SRFBP1: variants seen among roughly 807,000 people sequenced by gnomAD.
SRFBP1 encodes serum response factor binding protein 1.
In SRFBP1, 47 loss-of-function variants were observed where a neutral mutation model predicts 45.5. The observed-to-expected ratio is 1.03, with a 90% confidence interval of 0.82 to 1.32. SRFBP1 has a LOEUF of 1.32. Ranked by LOEUF, SRFBP1 falls within the 40% of genes most tolerant of loss-of-function variation. The probability of loss-of-function intolerance (pLI) is 0.00; values close to 1 mark genes in which losing one functional copy is unlikely to be tolerated. For missense variants in SRFBP1, 621 were observed against 484.6 expected, an observed-to-expected ratio of 1.28 and a Z score of -2.64; for synonymous variants, 203 against 166.3, an observed-to-expected ratio of 1.22 and a Z score of -1.70.
chr5:122,020,943 G>A (rs1753304055), intron 6 of SRFBP1, 141 bp downstream of exon 6: 1 of 704,742 alleles, frequency 1.4e-6, no homozygotes, highest in African/African-American at 1.9e-5. Context: ...CTCCAAGGTT[G>A]TAGTGGGGTA....
rs1437265033 is a variant in SRFBP1, at chr5:122,027,544, C to T, written c.*418C>T. 6.6e-6 allele frequency: 1 copy of T among 152,520 alleles called. No homozygotes were observed. The highest frequency in any genetic ancestry group is 1.9e-4 in the East Asian group (1 of 5,198). 9.4% of individuals were successfully genotyped at this position (152,520 alleles called of 1,614,324 possible). A position where few individuals can be genotyped will look rare whatever the true frequency, so the allele number is the denominator to read the frequency against. On this transcript the variant is annotated 3_prime_UTR_variant, in exon 8 of 8. Transcript: ENST00000339397. ...AGTAATTTGGGGATTTTAGTGATCTCATATTTTCTCTTTAGTGCTTATCAT... is the reference window on the plus strand; with the variant it reads ...AGTAATTTGGGGATTTTAGTGATCTTATATTTTCTCTTTAGTGCTTATCAT...
At chr5:121,994,943 A>G (rs7722155) in intron 4 of SRFBP1, among the ~76,000 whole-genome samples, 120,521 of 151,974 alleles carry the variant, frequency 0.79, 48,190 homozygotes, top group East Asian at 0.91. Context: ...TGATCATACT[A>G]CTTAAAACTA....
At chr5:121,991,037 A>G (rs575188609) in intron 3 of SRFBP1, among the ~76,000 whole-genome samples, 19 of 152,256 alleles carry the variant, frequency 1.2e-4, no homozygotes, top group African/African-American at 3.6e-4. Context: ...TATAATGAAG[A>G]GAGTTGATGT....
At chr5:121,992,085 A>C (rs1380392806) in intron 3 of SRFBP1, among the ~76,000 whole-genome samples, 4 of 152,148 alleles carry the variant, frequency 2.6e-5, no homozygotes, top group Non-Finnish European at 5.9e-5. Flanking sequence ...TTCTGTATCA[A>C]ATTACGACAA....
chr5:122,047,204 A>G (rs891376930), intron 2 of SRFBP1, among the ~76,000 whole-genome samples: 7 of 152,138 alleles, frequency 4.6e-5, no homozygotes, highest in African/African-American at 1.4e-4. Context: ...TCTTTAATCC[A>G]TCTTGAATTA....
intron 2 of SRFBP1, among the ~76,000 whole-genome samples, chr5:122,047,840 T>C (rs1420885914): frequency 1.3e-5 from 2 of 152,192 alleles, no homozygotes; most frequent in Admixed American, 6.5e-5. Context: ...ATGATTTGGC[T>C]CTGTTTGTCT....
chr5:122,009,343 T>G (rs1234361876), intron 4 of SRFBP1, among the ~76,000 whole-genome samples: 1 of 152,210 alleles, frequency 6.6e-6, no homozygotes, highest in African/African-American at 2.4e-5. Flanking sequence ...TTTACTTTGT[T>G]AATAGTGTCT....
intron 3 of SRFBP1, among the ~76,000 whole-genome samples, chr5:121,986,248 G>A (rs1752514408): frequency 6.6e-6 from 1 of 151,944 alleles, no homozygotes; most frequent in Non-Finnish European, 1.5e-5. Flanking sequence ...CCAAGAAGGG[G>A]ACAATGCTGC....
chr5:121,992,605 A>G (rs1752641427), intron 3 of SRFBP1, among the ~76,000 whole-genome samples: 2 of 152,098 alleles, frequency 1.3e-5, no homozygotes, highest in Non-Finnish European at 2.9e-5. Context: ...TCCAGGAGCT[A>G]TTTAGCCTAG....
chr5:122,001,657 G>A (rs1440588771), intron 4 of SRFBP1, among the ~76,000 whole-genome samples: 1 of 150,196 alleles, frequency 6.7e-6, no homozygotes, highest in African/African-American at 2.5e-5. Context: ...CGCTTCCCGG[G>A]TTCACGCCAT....
In SRFBP1 at chr5:122,033,831, T is replaced by G. The variant is rs192932873; in HGVS notation, n.311+11424T>G. Among the ~76,000 whole-genome samples, 635 of 148,148 alleles carry G rather than the reference T, an allele frequency of 4.3e-3. 6 individuals carry two copies. Among genetic ancestry groups the G allele is most frequent in the Non-Finnish European group, 6.5e-3 (431 of 66,778 alleles). ...TCTTTTATTTTCAGTTTTTTTTTTT[T>G]TTTTTTTTTTGAGACAGAGTCTTGC... On this transcript the variant is annotated intron_variant and non_coding_transcript_variant, in intron 2 of 2. Coordinates refer to the SRFBP1 transcript ENST00000504881.
rs543612384 is a variant in SRFBP1 at position 122,046,445 on chromosome 5, A to G, written n.311+24038A>G. Among the ~76,000 whole-genome samples the G allele has an allele frequency of 3.5e-4, 53 of 152,254 alleles. No individual in the cohort carries two copies. In the South Asian group the frequency reaches 7.3e-3, roughly 21 times the overall value. On this transcript the variant is annotated intron_variant and non_coding_transcript_variant, in intron 2 of 2. Coordinates refer to the SRFBP1 transcript ENST00000504881. Reference sequence around the variant, plus strand: ...CCACATTTTCTTAATCCAGTCTATCATTGTTGGACATTTGGGTTGGTTCCA... The same window carrying G: ...CCACATTTTCTTAATCCAGTCTATCGTTGTTGGACATTTGGGTTGGTTCCA...
At chr5:121,993,969 T>G (rs557448630) in intron 3 of SRFBP1, among the ~76,000 whole-genome samples, 7 of 152,084 alleles carry the variant, frequency 4.6e-5, no homozygotes, top group Non-Finnish European at 1.0e-4. Flanking sequence ...CTACTGTTAC[T>G]GTACTTTCTT....
intron 2 of SRFBP1, among the ~76,000 whole-genome samples, chr5:122,034,960 G>A (rs1753664188): frequency 6.6e-6 from 1 of 152,132 alleles, no homozygotes; most frequent in South Asian, 2.1e-4. Flanking sequence ...AGGAGTGTCT[G>A]TTGCCCCTTT....
chr5:122,037,952 T>A (rs1417392927), intron 2 of SRFBP1, among the ~76,000 whole-genome samples: 2 of 152,226 alleles, frequency 1.3e-5, no homozygotes, highest in South Asian at 4.1e-4. Flanking sequence ...TTGGGTCATG[T>A]GACTTAGGAA....
chr5:121,968,669 C>T (rs952083892), intron 1 of SRFBP1, among the ~76,000 whole-genome samples: 1 of 152,084 alleles, frequency 6.6e-6, no homozygotes, highest in African/African-American at 2.4e-5. Context: ...AATGTGTCTT[C>T]TGAATAGATT....
intron 7 of SRFBP1, among the ~76,000 whole-genome samples, chr5:122,024,923 A>G (rs1489736735): frequency 3.3e-5 from 5 of 152,216 alleles, no homozygotes; most frequent in African/African-American, 1.2e-4. Context: ...CTCAGTTTTT[A>G]TGAAACAGGT....
chr5:122,077,523 T>C (rs775070523), downstream of SRFBP1: 18 of 1,613,692 alleles, frequency 1.1e-5, no homozygotes, highest in African/African-American at 1.2e-4. This position sits in a 1 kb window ranked among gnomAD's most constrained non-coding sequence, Gnocchi z 4.9. Context: ...CGCAGGTTAC[T>C]GAGCGCAGGA....
chr5:122,051,644 G>C (rs954200506), intron 2 of SRFBP1, among the ~76,000 whole-genome samples: 1 of 151,298 alleles, frequency 6.6e-6, no homozygotes, highest in Non-Finnish European at 1.5e-5. Flanking sequence ...TTGAGCCTGT[G>C]GATATCATTG....
Sources: allele counts gnomAD v4.1 joint callset (sites outside exome capture counted in the v4.1 genomes callset), GRCh38; gene constraint gnomAD v4.1.1; non-coding constraint Gnocchi (gnomAD v3.1); transcripts MANE v1.5; gene names NCBI Gene and HGNC (gene_info 2026-07-23, HGNC 2026-07-21).